Variants in SLC22A24 observed in about 807,000 individuals in gnomAD.
The protein encoded by SLC22A24 is steroid transmembrane transporter SLC22A24.
Under a neutral mutation model 49.8 loss-of-function variants are expected in SLC22A24, and 53 were observed. The ratio of observed to expected loss-of-function variants is 1.06; its 90% CI spans 0.85 to 1.34. SLC22A24 has a LOEUF of 1.34. Among genes scored for constraint, SLC22A24 ranks in the 40% most tolerant of loss-of-function variants. SLC22A24 has a pLI of 0.00. For synonymous variants in SLC22A24, 302 were observed against 256.4 expected (o/e 1.18, Z -1.70); for missense variants, 786 against 675.9 (o/e 1.16, Z -1.81).
At chr11:63,112,813 A>G (rs1048365894) in intron 4 of SLC22A24, among the ~76,000 whole-genome samples, 7 of 151,346 alleles carry the variant, frequency 4.6e-5, no homozygotes, top group African/African-American at 1.7e-4. Flanking sequence ...GGAGATTGAG[A>G]CCATCGTGGC....
intron 4 of SLC22A24, among the ~76,000 whole-genome samples, chr11:63,104,849 T>G (rs757917605): frequency 1.9e-4 from 29 of 152,318 alleles, no homozygotes; most frequent in Middle Eastern, 6.8e-3. Flanking sequence ...CAATTATGCC[T>G]TCCCAACAGT....
At chr11:63,087,378 T>C (rs2086993822) in intron 6 of SLC22A24, among the ~76,000 whole-genome samples, 5 of 152,184 alleles carry the variant, frequency 3.3e-5, no homozygotes, top group Admixed American at 3.3e-4. Flanking sequence ...TGAGGGACTG[T>C]GCTACATGGC....
At chr11:63,121,819 G>T (rs2134669194) in intron 2 of SLC22A24, among the ~76,000 whole-genome samples, 1 of 152,194 alleles carries the variant, frequency 6.6e-6, no homozygotes, top group East Asian at 1.9e-4. Flanking sequence ...TCCCCGGAGT[G>T]TGATGTTCCC....
chr11:63,126,819 T>C (rs1461843047), intron 2 of SLC22A24, among the ~76,000 whole-genome samples: 1 of 152,140 alleles, frequency 6.6e-6, no homozygotes, highest in African/African-American at 2.4e-5. Flanking sequence ...TTTGTTGGTG[T>C]CCTCCCATTT....
chr11:63,108,370 A>C (rs1175571572), intron 4 of SLC22A24, among the ~76,000 whole-genome samples: 1 of 152,184 alleles, frequency 6.6e-6, no homozygotes, highest in Non-Finnish European at 1.5e-5. Context: ...ATCAATGTTC[A>C]TCAGGGATAT....
intron 6 of SLC22A24, among the ~76,000 whole-genome samples, chr11:63,092,013 A>C (rs1311029886): frequency 1.3e-5 from 2 of 152,198 alleles, no homozygotes; most frequent in African/African-American, 2.4e-5. Context: ...CCATCATCTT[A>C]GCCCCAAAAC....
chr11:63,102,953 T>C lies in SLC22A24; in HGVS notation c.954+1222A>G, dbSNP rs182547125. 1.5e-3 allele frequency among the ~76,000 whole-genome samples: 225 copies of C among 152,280 alleles called. 3 individuals are homozygous for C. The highest frequency in any genetic ancestry group is 2.2e-4 in the Non-Finnish European group (15 of 68,010). On this transcript the variant is annotated intron_variant, in intron 5 of 9. Coordinates refer to ENST00000612278, the MANE Select transcript of SLC22A24 (RefSeq NM_001136506.2). Reference sequence around the variant, plus strand: ...GTTGGAGACAGATGTCTTGTGTCTTTAGTTTCACAGGTCAATTTATACAAA... The same window carrying C: ...GTTGGAGACAGATGTCTTGTGTCTTCAGTTTCACAGGTCAATTTATACAAA...
rs1338125638 is a variant in SLC22A24 at position 63,144,014 on chromosome 11, A to G, written c.-235T>C. 1 of 358,612 alleles carries G rather than the reference A, an allele frequency of 2.8e-6. No individual in the cohort carries two copies. The highest frequency in any genetic ancestry group is 1.5e-4 in the South Asian group (1 of 6,694). 22.2% of individuals were successfully genotyped at this position (358,612 alleles called of 1,614,324 possible). A position where few individuals can be genotyped will look rare whatever the true frequency, so the allele number is the denominator to read the frequency against. ...CCAAATAGTTTCAGAAGTCACAGAT[A>G]TAATTATTTGGCAAAGAGACTGCTA... is the stretch of plus-strand genomic sequence containing the variant. On this transcript the variant is annotated 5_prime_UTR_variant, in exon 1 of 10. Transcript: ENST00000612278.
intron 6 of SLC22A24, among the ~76,000 whole-genome samples, chr11:63,087,336 AGGGACTTCCCTCCC>A (rs1485743788): frequency 6.6e-6 from 1 of 152,172 alleles, no homozygotes. Context: ...GCAAGGAGCC[AGGGACTTCCCTCCC>A]TGAACCAAGG....
intron 4 of SLC22A24, among the ~76,000 whole-genome samples, chr11:63,108,058 T>C (rs941375574): frequency 5.3e-5 from 8 of 152,294 alleles, no homozygotes; most frequent in African/African-American, 1.7e-4. Flanking sequence ...CAGTATGATA[T>C]TGGCTGTGGG....
intron 1 of SLC22A24, among the ~76,000 whole-genome samples, 190 bp downstream of exon 1, chr11:63,143,188 A>AATACTAATAC (rs1236392556): frequency 2.6e-5 from 4 of 152,228 alleles, no homozygotes; most frequent in African/African-American, 9.6e-5. Flanking sequence ...ACACCAATAT[A>AATACTAATAC]ATACTAATAC....
In SLC22A24 at chr11:63,134,709, A is replaced by C. The variant is rs762415881; in HGVS notation, c.462T>G (p.Ala154=). 1 of 1,559,886 alleles carries C rather than the reference A, an allele frequency of 6.4e-7. No individual in the cohort carries two copies. The highest frequency in any genetic ancestry group is 8.7e-7 in the Non-Finnish European group (1 of 1,150,796). ...ATATTAGACCTCCCAGAAGTGACCC[A>C]GCCATAAATAGGGATTGAACCATTG... ...LKSMVQSLFM[A]GSLLGGLIYG... is the part of the protein sequence containing the mutation. The change falls in exon 2 of 10, where the codon GCT becomes GCG. Residue 154 remains alanine, a synonymous_variant. Coordinates refer to ENST00000612278, the MANE Select transcript of SLC22A24 (RefSeq NM_001136506.2).
intron 4 of SLC22A24, among the ~76,000 whole-genome samples, chr11:63,111,750 A>G (rs904972464): frequency 6.6e-6 from 1 of 151,970 alleles, no homozygotes; most frequent in African/African-American, 2.4e-5. Context: ...TTTTTTCTGT[A>G]TTAGACTTGC....
At chr11:63,114,741 G>T (rs1274433225) in intron 4 of SLC22A24, among the ~76,000 whole-genome samples, 1 of 152,104 alleles carries the variant, frequency 6.6e-6, no homozygotes, top group African/African-American at 2.4e-5. Context: ...ATGGGGTTTT[G>T]GTGTGGATAT....
intron 9 of SLC22A24, among the ~76,000 whole-genome samples, chr11:63,080,620 G>A (rs1029634789): frequency 5.9e-5 from 9 of 152,220 alleles, no homozygotes; most frequent in African/African-American, 2.2e-4. Flanking sequence ...CAACAGGAGT[G>A]TGTGTTTCCC....
intron 6 of SLC22A24, among the ~76,000 whole-genome samples, chr11:63,089,935 G>T (rs2087008931): frequency 6.6e-6 from 1 of 151,822 alleles, no homozygotes; most frequent in Non-Finnish European, 1.5e-5. Context: ...CAAAAAATTA[G>T]CCAGGCGTGG....
chr11:63,107,154 G>A (rs1294043635), intron 4 of SLC22A24, among the ~76,000 whole-genome samples: 1 of 152,134 alleles, frequency 6.6e-6, no homozygotes, highest in Non-Finnish European at 1.5e-5. Context: ...CATATGGCTA[G>A]CCAGTTTTCC....
intron 4 of SLC22A24, among the ~76,000 whole-genome samples, chr11:63,114,211 T>A (rs972191296): frequency 6.6e-6 from 1 of 152,232 alleles, no homozygotes; most frequent in Non-Finnish European, 1.5e-5. Context: ...CAATTAAACA[T>A]AGATTTTGTC....
chr11:63,129,999 C>A lies in SLC22A24; in HGVS notation c.506+4666G>T, dbSNP rs540517837. Reference sequence around the variant, plus strand: ...TCTTGCCTGATTGCCGTGGCCAGAACTTCCAACACTATGTTGAATAGGAGT... The same window carrying A: ...TCTTGCCTGATTGCCGTGGCCAGAAATTCCAACACTATGTTGAATAGGAGT... On this transcript the variant is annotated intron_variant, in intron 2 of 9. Transcript: ENST00000612278. Among the ~76,000 whole-genome samples the A allele has an allele frequency of 2.6e-5, 4 of 152,328 alleles. No individual in the cohort carries two copies. The South Asian group carries it at 8.3e-4, about 32-fold the overall frequency.
Sources: allele counts gnomAD v4.1 joint callset (sites outside exome capture counted in the v4.1 genomes callset), GRCh38; gene constraint gnomAD v4.1.1; transcripts MANE v1.5; gene names NCBI Gene and HGNC (gene_info 2026-07-23, HGNC 2026-07-21).